Variants in CDC25A observed in about 807,000 individuals in gnomAD.
The protein encoded by CDC25A is M-phase inducer phosphatase 1.
Under a neutral mutation model 64.6 loss-of-function variants are expected in CDC25A, and 17 were observed. That is an observed-to-expected ratio of 0.26 (90% CI 0.18 to 0.39). The LOEUF is 0.39. CDC25A is among the 10% of genes least tolerant of loss of function. The pLI is 1.00. For synonymous variants in CDC25A, 229 were observed against 238.6 expected, an observed-to-expected ratio of 0.96 and a Z score of 0.37; for missense variants, 473 against 654.8, an observed-to-expected ratio of 0.72 and a Z score of 3.03.
chr3:48,181,234 T>C (rs535769530), intron 5 of CDC25A, among the ~76,000 whole-genome samples: 3 of 151,748 alleles, frequency 2.0e-5, no homozygotes, highest in African/African-American at 7.3e-5. Flanking sequence ...TCCTACCAAC[T>C]GGAGATAATT....
chr3:48,183,870 A>G (rs779909410), intron 3 of CDC25A, 34 bp from the exon 4 acceptor site: 316 of 1,375,634 alleles, frequency 2.3e-4, no homozygotes, highest in Non-Finnish European at 3.2e-4. Flanking sequence ...TAATGAGAAT[A>G]AAACAAGTAA....
chr3:48,177,226 T>C (rs2032497646), intron 8 of CDC25A, 145 bp downstream of exon 8: 2 of 647,746 alleles, frequency 3.1e-6, no homozygotes, highest in Non-Finnish European at 5.6e-6. Context: ...AAGGTCATAA[T>C]TTGTAGGTAG....
chr3:48,169,805 C>G (rs548748206), intron 9 of CDC25A, among the ~76,000 whole-genome samples: 1 of 151,794 alleles, frequency 6.6e-6, no homozygotes, highest in Non-Finnish European at 1.5e-5. Flanking sequence ...GTCAGGGGTT[C>G]GAGACCAGCC....
rs1271894413 is a variant in CDC25A, at chr3:48,157,949, AG to A, written c.*995del. 2.0e-5 allele frequency: 3 copies of A among 152,380 alleles called. No individual in the cohort carries two copies. Among genetic ancestry groups the A allele is most frequent in the African/African-American group, 7.2e-5 (3 of 41,448 alleles). The allele number at this position is 152,380 out of a possible 1,614,324, so 9.4% of individuals were successfully genotyped here. A position where few individuals can be genotyped will look rare whatever the true frequency, so the allele number is the denominator to read the frequency against. On this transcript the variant is annotated 3_prime_UTR_variant, in exon 15 of 15. Transcript: ENST00000302506. ...AAGCTATCAATATCACAGCAACATAAGGAAGATACTCAGTGGACATGCTCCT... is the reference window on the plus strand; with the variant it reads ...AAGCTATCAATATCACAGCAACATAAGAAGATACTCAGTGGACATGCTCCT...
chr3:48,180,179 A>G (rs1468748607), intron 6 of CDC25A: 1 of 152,240 alleles, frequency 6.6e-6, no homozygotes, highest in Non-Finnish European at 1.5e-5. Flanking sequence ...TCAGTTTTCC[A>G]AAGTGCTGAG....
At chr3:48,183,652 G>C (rs1440461210) in intron 4 of CDC25A, 148 bp downstream of exon 4, 1 of 563,976 alleles carries the variant, frequency 1.8e-6, no homozygotes, top group Non-Finnish European at 3.2e-6. Context: ...CTGCACTCCA[G>C]CCTGGGTGAC....
Position 48,158,852 on chromosome 3 carries a change from A to C in CDC25A, c.*93T>G. ...CCCAGGCCCCCTCTCCAAATGTCAC[A>C]CAGCTGTCCCCTTTGCTTAAGTTTC... On this transcript the variant is annotated 3_prime_UTR_variant, in exon 15 of 15. Coordinates refer to ENST00000302506, the MANE Select transcript of CDC25A (RefSeq NM_001789.3). 2 of 1,444,918 alleles carry C rather than the reference A, an allele frequency of 1.4e-6. No homozygotes were observed. The highest frequency in any genetic ancestry group is 1.9e-6 in the Non-Finnish European group (2 of 1,058,758). The allele number at this position is 1,444,918 out of a possible 1,614,324, so 89.5% of individuals were successfully genotyped here.
intron 13 of CDC25A, among the ~76,000 whole-genome samples, chr3:48,162,109 G>C (rs141897493): frequency 1.3e-5 from 2 of 152,272 alleles, no homozygotes; most frequent in African/African-American, 2.4e-5. Context: ...ATTCATGAAT[G>C]AGCATCCTTT....
rs1299697390 is a variant in CDC25A, at chr3:48,183,986, G to A, written c.291-150C>T. Reference sequence around the variant, plus strand: ...GATGGGAGAATAAATTTCTGAAGCTGTCCTGTTCTCAGGAGCACCCCCAAC... The same window carrying A: ...GATGGGAGAATAAATTTCTGAAGCTATCCTGTTCTCAGGAGCACCCCCAAC... On this transcript the variant is annotated intron_variant, in intron 3 of 14. Transcript: ENST00000302506. 6 of 535,032 alleles carry A rather than the reference G, an allele frequency of 1.1e-5. No homozygotes were observed. In the East Asian group the frequency reaches 1.5e-4, roughly 13 times the overall value. 33.1% of individuals were successfully genotyped at this position (535,032 alleles called of 1,614,324 possible). A position where few individuals can be genotyped will look rare whatever the true frequency, so the allele number is the denominator to read the frequency against.
intron 9 of CDC25A, among the ~76,000 whole-genome samples, chr3:48,168,145 C>T (rs1288098480): frequency 1.4e-5 from 2 of 147,522 alleles, no homozygotes; most frequent in Non-Finnish European, 3.0e-5. Flanking sequence ...CAGTGTCTAA[C>T]CGAATTGCTC....
Position 48,159,060 on chromosome 3 carries a change from C to T in CDC25A, c.1460G>A (p.Arg487Gln), listed in dbSNP as rs376309884. The change falls in exon 15 of 15, where the codon CGG (arginine) becomes CAG (glutamine). Residue 487 changes from arginine to glutamine, a missense_variant. Arg to Gln is a conservative substitution (Grantham distance 43). Coordinates refer to ENST00000302506, the MANE Select transcript of CDC25A (RefSeq NM_001789.3). ...CQSYCEPPSY[R>Q]PMHHEDFKED... ...TTTAAAGTCCTCGTGGTGCATGGGC[C>T]GGTAGCTAGGGGGCTCACAGTAAGA... 3 of 1,613,890 alleles carry T rather than the reference C, an allele frequency of 1.9e-6. No individual in the cohort carries two copies. Among genetic ancestry groups the T allele is most frequent in the Non-Finnish European group, 2.5e-6 (3 of 1,179,974 alleles).
intron 13 of CDC25A, 38 bp downstream of exon 13, chr3:48,164,269 A>G: frequency 1.4e-6 from 2 of 1,471,120 alleles, no homozygotes; most frequent in Non-Finnish European, 1.8e-6. Context: ...AGCATCATGG[A>G]GCCTGTGCCC....
chr3:48,162,009 C>T (rs1176815408), intron 13 of CDC25A, among the ~76,000 whole-genome samples: 2 of 151,950 alleles, frequency 1.3e-5, no homozygotes, highest in East Asian at 1.9e-4. Flanking sequence ...TGCAGTGATC[C>T]GAGATCGCAC....
At chr3:48,167,816 A>G (rs554594251) in intron 10 of CDC25A, 30 bp downstream of exon 10, 32 of 1,219,732 alleles carry the variant, frequency 2.6e-5, no homozygotes, top group Non-Finnish European at 3.4e-5. Flanking sequence ...TCCCTCCTAC[A>G]CTTGCCAGAG....
chr3:48,173,299 A>C (rs2032337074), intron 9 of CDC25A, among the ~76,000 whole-genome samples: 1 of 152,166 alleles, frequency 6.6e-6, no homozygotes. Context: ...TAAAATATCT[A>C]CAACAAATGA....
chr3:48,180,707 G>A lies in CDC25A; in HGVS notation c.549+14C>T, dbSNP rs1360237967. 2 of 1,612,264 alleles carry A rather than the reference G, an allele frequency of 1.2e-6. No homozygotes were observed. The highest frequency in any genetic ancestry group is 2.7e-5 in the African/African-American group (2 of 74,874). On this transcript the variant is annotated intron_variant, in intron 6 of 14. Transcript: ENST00000302506. ...TCCTGTCAGGAATTCCCCTATGAAAGCCAGAGCACATACCATCCGAGCTGG... is the reference window on the plus strand; with the variant it reads ...TCCTGTCAGGAATTCCCCTATGAAAACCAGAGCACATACCATCCGAGCTGG...
intron 8 of CDC25A, among the ~76,000 whole-genome samples, chr3:48,175,813 G>A (rs1416224878): frequency 6.6e-6 from 1 of 152,114 alleles, no homozygotes; most frequent in African/African-American, 2.4e-5. Flanking sequence ...TTTGTACTGC[G>A]TTAACATATT....
chr3:48,170,008 CA>C lies in CDC25A; in HGVS notation c.931-2065del, dbSNP rs553600722. ...TGGGCGACAGAGCGAGACTTGGTCT[CA>C]AAAAAAAAAACAAACAAAAAAACAC... is the stretch of plus-strand genomic sequence containing the variant. On this transcript the variant is annotated intron_variant, in intron 9 of 14. Coordinates refer to ENST00000302506, the MANE Select transcript of CDC25A (RefSeq NM_001789.3). 6.0e-3 allele frequency among the ~76,000 whole-genome samples: 808 copies of C among 134,842 alleles called. 7 individuals carry two copies. The highest frequency in any genetic ancestry group is 0.057 in the South Asian group (240 of 4,226). The allele number at this position is 134,842 out of a possible 152,430, so 88.5% of individuals were successfully genotyped here. A position where few individuals can be genotyped will look rare whatever the true frequency, so the allele number is the denominator to read the frequency against.
At chr3:48,168,576 G>C (rs1232954864) in intron 9 of CDC25A, among the ~76,000 whole-genome samples, 2 of 151,522 alleles carry the variant, frequency 1.3e-5, no homozygotes, top group Non-Finnish European at 2.9e-5. Flanking sequence ...AAAGAAACAA[G>C]GGGGGTTAAA....
Sources: gnomAD v4.1 joint callset for allele counts (sites outside exome capture counted in the v4.1 genomes callset) on GRCh38, gnomAD v4.1.1 for gene constraint, MANE v1.5 for transcripts, NCBI Gene and HGNC (gene_info 2026-07-23, HGNC 2026-07-21) for gene names.